The following IL1RAP variants were observed in gnomAD, a reference collection of about 807,000 sequenced individuals.
IL1RAP encodes the protein interleukin 1 receptor accessory protein, also known as interleukin-1 receptor accessory protein.
Under a neutral mutation model 60.7 loss-of-function variants are expected in IL1RAP, and 35 were observed. The ratio of observed to expected loss-of-function variants is 0.58; its 90% CI spans 0.44 to 0.76. IL1RAP has a LOEUF of 0.76. IL1RAP is among the 30% of genes least tolerant of loss of function. The probability of loss-of-function intolerance (pLI) is 0.00; values close to 1 mark genes in which losing one functional copy is unlikely to be tolerated. For synonymous variants in IL1RAP, 268 were observed against 250.9 expected (o/e 1.07, Z -0.64); for missense variants, 572 against 693.9 (o/e 0.82, Z 1.97).
Position 190,623,356 on chromosome 3 carries a change from A to C in IL1RAP, c.716A>C (p.Asn239Thr). Residue 239 changes from asparagine to threonine, a missense_variant, in exon 7 of 12, where the codon AAT becomes ACT. Asn to Thr is a moderately conservative substitution (Grantham distance 65, BLOSUM62 0). Transcript: ENST00000447382. Reference sequence around the variant, plus strand: ...TCCTCTAACACAGGCTCTCCAAAAAATGCAGTGCCCCCTGTGATCCATTCA... The same window carrying C: ...TCCTCTAACACAGGCTCTCCAAAAACTGCAGTGCCCCCTGTGATCCATTCA... ...LTVKVVGSPK[N>T]AVPPVIHSPN... The C allele has an allele frequency of 6.2e-7, 1 of 1,613,262 alleles. No individual in the cohort carries two copies. The highest frequency in any genetic ancestry group is 8.5e-7 in the Non-Finnish European group (1 of 1,179,364).
chr3:190,645,287 T>C (rs558870894), intron 10 of IL1RAP, among the ~76,000 whole-genome samples: 1 of 152,346 alleles, frequency 6.6e-6, no homozygotes, highest in Admixed American at 6.5e-5. Flanking sequence ...ATTTTAGTTC[T>C]TTTCAGATAT....
At chr3:190,526,500 AT>A (rs1560139710) in intron 1 of IL1RAP, among the ~76,000 whole-genome samples, 1 of 152,236 alleles carries the variant, frequency 6.6e-6, no homozygotes, top group Non-Finnish European at 1.5e-5. Context: ...GTATCATTTC[AT>A]TAGCAAATAG....
intron 2 of IL1RAP, among the ~76,000 whole-genome samples, chr3:190,556,435 A>G (rs1055649926): frequency 6.6e-6 from 1 of 152,014 alleles, no homozygotes; most frequent in African/African-American, 2.4e-5. Flanking sequence ...CACATGTCAC[A>G]TCCTTTGATC....
chr3:190,604,816 A>C (rs923385349), intron 4 of IL1RAP, among the ~76,000 whole-genome samples: 13 of 152,310 alleles, frequency 8.5e-5, no homozygotes, highest in Admixed American at 4.6e-4. Flanking sequence ...CTTGGCACAG[A>C]AGAGAAACTC....
At chr3:190,637,732 C>A (rs1244230318) in intron 9 of IL1RAP, among the ~76,000 whole-genome samples, 2 of 152,042 alleles carry the variant, frequency 1.3e-5, no homozygotes, top group African/African-American at 4.8e-5. Context: ...ATTACCATCA[C>A]CAGAAAGTAA....
At chr3:190,595,843 C>G (rs1003712289) in intron 3 of IL1RAP, among the ~76,000 whole-genome samples, 2 of 152,098 alleles carry the variant, frequency 1.3e-5, no homozygotes, top group African/African-American at 4.8e-5. Flanking sequence ...GTTTAGAAAC[C>G]TGTTATGACA....
At position 190,623,988 on chromosome 3, in the gene IL1RAP, G is replaced by A. The variant is rs60975245; in HGVS notation, c.775+573G>A. On this transcript the variant is annotated intron_variant, in intron 7 of 11. Transcript: ENST00000447382. ...CTCTTTTGACTCAAAGCCTCCCACAGTTAAGTGAACAGGAAACTATAGAAA... is the reference window on the plus strand; with the variant it reads ...CTCTTTTGACTCAAAGCCTCCCACAATTAAGTGAACAGGAAACTATAGAAA... Among the ~76,000 whole-genome samples, 195 of 152,240 alleles carry A rather than the reference G, an allele frequency of 1.3e-3. 1 individual carries two copies. Among genetic ancestry groups the A allele is most frequent in the African/African-American group, 4.5e-3 (186 of 41,544 alleles).
rs187709887 is a variant in IL1RAP at position 190,517,114 on chromosome 3, G to A, written c.-89+2895G>A. Among the ~76,000 whole-genome samples, 369 of 152,324 alleles carry A rather than the reference G, an allele frequency of 2.4e-3. 2 individuals carry two copies. Among genetic ancestry groups the A allele is most frequent in the African/African-American group, 8.6e-3 (357 of 41,566 alleles). Reference sequence around the variant, plus strand: ...GCAAAGAGAACAATCCTTAAGCACAGTTCTGTAGAGTTTAGTGGAGCCAAC... The same window carrying A: ...GCAAAGAGAACAATCCTTAAGCACAATTCTGTAGAGTTTAGTGGAGCCAAC... On this transcript the variant is annotated intron_variant, in intron 1 of 11. Transcript: ENST00000447382.
At chr3:190,539,915 T>C (rs1723782551) in intron 1 of IL1RAP, among the ~76,000 whole-genome samples, 1 of 152,022 alleles carries the variant, frequency 6.6e-6, no homozygotes, top group Non-Finnish European at 1.5e-5. Context: ...GTTTAAATAC[T>C]TCTTTCTACT....
intron 3 of IL1RAP, among the ~76,000 whole-genome samples, chr3:190,587,812 A>G (rs760741423): frequency 2.0e-5 from 3 of 152,210 alleles, no homozygotes; most frequent in Non-Finnish European, 4.4e-5. Context: ...TGGATAGAGG[A>G]CTGACTCTGG....
At chr3:190,606,679 C>T (rs1017135589) in intron 4 of IL1RAP, among the ~76,000 whole-genome samples, 1 of 152,160 alleles carries the variant, frequency 6.6e-6, no homozygotes, top group Non-Finnish European at 1.5e-5. Flanking sequence ...ATTGTCACCT[C>T]TTCAGTTTAC....
At chr3:190,545,233 C>A (rs1181930546) in intron 1 of IL1RAP, among the ~76,000 whole-genome samples, 1 of 152,096 alleles carries the variant, frequency 6.6e-6, no homozygotes, top group Admixed American at 6.5e-5. Flanking sequence ...ATGTTGCTGA[C>A]CCTGCAGGGT....
intron 2 of IL1RAP, among the ~76,000 whole-genome samples, chr3:190,558,429 C>A (rs1445295694): frequency 1.3e-5 from 2 of 152,094 alleles, no homozygotes; most frequent in Non-Finnish European, 2.9e-5. Flanking sequence ...TGCTTTGCAT[C>A]CTCTTCATCA....
intron 1 of IL1RAP, among the ~76,000 whole-genome samples, chr3:190,532,408 G>A (rs111921579): frequency 0.12 from 17,729 of 151,840 alleles, 1,331 homozygotes; most frequent in African/African-American, 0.22. Flanking sequence ...GACTACAGGT[G>A]CCCGCCACCA....
chr3:190,542,301 T>A (rs767137512), intron 1 of IL1RAP, among the ~76,000 whole-genome samples: 1 of 152,314 alleles, frequency 6.6e-6, no homozygotes, highest in Non-Finnish European at 1.5e-5. Flanking sequence ...TCTGTTGCAG[T>A]CAGAGAACCT....
intron 1 of IL1RAP, among the ~76,000 whole-genome samples, chr3:190,529,816 C>G (rs1246167457): frequency 6.7e-5 from 10 of 150,368 alleles, no homozygotes; most frequent in Non-Finnish European, 1.2e-4. Context: ...GATCACAGCG[C>G]CACTGCACTC....
chr3:190,538,791 C>G (rs1723684962), intron 1 of IL1RAP, among the ~76,000 whole-genome samples: 1 of 152,042 alleles, frequency 6.6e-6, no homozygotes, highest in African/African-American at 2.4e-5. Context: ...GACGGTTACC[C>G]CCATGATGCC....
Position 190,651,321 on chromosome 3 carries a change from A to G in IL1RAP, c.*2616A>G. Reference sequence around the variant, plus strand: ...ATTGTAACTTAGATGATTCCCAAGGACTCTAATAAAAAATCACTTCATTGT... The same window carrying G: ...ATTGTAACTTAGATGATTCCCAAGGGCTCTAATAAAAAATCACTTCATTGT... On this transcript the variant is annotated 3_prime_UTR_variant, in exon 12 of 12. Transcript: ENST00000447382. 2.1e-6 allele frequency: 2 copies of G among 931,672 alleles called. No individual in the cohort carries two copies. The highest frequency in any genetic ancestry group is 2.6e-6 in the Non-Finnish European group (2 of 781,000). 57.7% of individuals were successfully genotyped at this position (931,672 alleles called of 1,614,324 possible).
At chr3:190,540,544 T>A (rs941110583) in intron 1 of IL1RAP, among the ~76,000 whole-genome samples, 6 of 152,076 alleles carry the variant, frequency 3.9e-5, no homozygotes, top group African/African-American at 1.4e-4. Context: ...TTTTCTTTTT[T>A]TTTTCCTCCT....
Sources: allele counts gnomAD v4.1 joint callset (sites outside exome capture counted in the v4.1 genomes callset), GRCh38; gene constraint gnomAD v4.1.1; transcripts MANE v1.5; gene names NCBI Gene and HGNC (gene_info 2026-07-23, HGNC 2026-07-21).